TDRD7: variants seen among roughly 807,000 people sequenced by gnomAD.
The protein encoded by TDRD7 is tudor domain containing 7, also known as tudor domain-containing protein 7.
In TDRD7, 47 loss-of-function variants were observed where a neutral mutation model predicts 109.8. That is an observed-to-expected ratio of 0.43 (90% CI 0.34 to 0.55). The LOEUF (loss-of-function observed/expected upper bound fraction) is 0.55. Among genes scored for constraint, TDRD7 ranks in the 20% least tolerant of loss-of-function variants. The pLI is 0.03. For missense variants in TDRD7, 1,164 were observed against 1,319.2 expected (o/e 0.88, Z 1.82); for synonymous variants, 424 against 457.3 (o/e 0.93, Z 0.93).
intron 5 of TDRD7, among the ~76,000 whole-genome samples, chr9:97,440,566 T>A (rs1828285064): frequency 6.6e-6 from 1 of 152,186 alleles, no homozygotes; most frequent in Non-Finnish European, 1.5e-5. Context: ...AGCCTTCTCT[T>A]CTCTGTGCCA....
intron 8 of TDRD7, among the ~76,000 whole-genome samples, chr9:97,466,851 A>G (rs1054825862): frequency 2.6e-5 from 4 of 152,194 alleles, no homozygotes; most frequent in African/African-American, 9.6e-5. Flanking sequence ...TAAATGGTCT[A>G]TATGTTGATT....
chr9:97,442,910 C>T (rs373005593), intron 6 of TDRD7, among the ~76,000 whole-genome samples: 2 of 152,238 alleles, frequency 1.3e-5, no homozygotes, highest in African/African-American at 4.8e-5. Flanking sequence ...GTTCTCCTGC[C>T]TCAGCCTTCC....
chr9:97,479,791 T>C (rs747784459), intron 13 of TDRD7, among the ~76,000 whole-genome samples: 9 of 152,186 alleles, frequency 5.9e-5, no homozygotes, highest in Non-Finnish European at 1.0e-4. Flanking sequence ...ATTTTAAAAT[T>C]AGGAAATTTC....
chr9:97,428,197 C>T (rs776539678), intron 1 of TDRD7, among the ~76,000 whole-genome samples: 1 of 152,170 alleles, frequency 6.6e-6, no homozygotes, highest in Non-Finnish European at 1.5e-5. Context: ...CTCTTCAGGA[C>T]TCCATTCAGG....
In TDRD7 at chr9:97,416,729, G is replaced by A. The variant is rs563986420; in HGVS notation, c.-7+4491G>A. On this transcript the variant is annotated intron_variant, in intron 1 of 16. Coordinates refer to ENST00000355295, the MANE Select transcript of TDRD7 (RefSeq NM_014290.3). ...TAACTTAAATTGGATTCAGAGTTAT[G>A]CCTTTAATAGCTCACCTATGTTATG... Among the ~76,000 whole-genome samples the A allele has an allele frequency of 2.0e-5, 3 of 152,166 alleles. No individual in the cohort carries two copies. In the South Asian group the frequency reaches 6.2e-4, roughly 31 times the overall value.
chr9:97,470,458 G>A (rs756992547), intron 8 of TDRD7, 100 bp from the exon 9 acceptor site: 413 of 1,139,922 alleles, frequency 3.6e-4, no homozygotes, highest in Non-Finnish European at 3.8e-4. Context: ...CTGCCACTCA[G>A]CTTGCTGATC....
chr9:97,440,934 T>C (rs1161442764), intron 5 of TDRD7, among the ~76,000 whole-genome samples: 4 of 152,188 alleles, frequency 2.6e-5, no homozygotes, highest in Non-Finnish European at 5.9e-5. Context: ...TCTCACATTC[T>C]AAGTTTTAAG....
chr9:97,422,987 C>G (rs1221242137), intron 1 of TDRD7, among the ~76,000 whole-genome samples: 1 of 152,138 alleles, frequency 6.6e-6, no homozygotes, highest in East Asian at 1.9e-4. Flanking sequence ...ATGGTCTGTA[C>G]TTTTCATGCA....
chr9:97,442,988 G>A (rs1325579681), intron 6 of TDRD7, among the ~76,000 whole-genome samples: 1 of 152,158 alleles, frequency 6.6e-6, no homozygotes, highest in African/African-American at 2.4e-5. Context: ...TAGAGACAGG[G>A]TTTCACCATG....
intron 6 of TDRD7, among the ~76,000 whole-genome samples, chr9:97,458,745 C>T (rs1277005016): frequency 2.0e-5 from 3 of 152,188 alleles, no homozygotes; most frequent in African/African-American, 7.2e-5. Flanking sequence ...ATATCGTTCA[C>T]TTCCTATGTG....
At chr9:97,438,581 T>C (rs908408421) in intron 4 of TDRD7, among the ~76,000 whole-genome samples, 2 of 152,140 alleles carry the variant, frequency 1.3e-5, no homozygotes, top group Non-Finnish European at 2.9e-5. Context: ...TGAATATAAA[T>C]GATGTGTGTG....
At chr9:97,430,865 A>G (rs1292952431) in intron 2 of TDRD7, 68 bp from the exon 3 acceptor site, 1 of 1,603,358 alleles carries the variant, frequency 6.2e-7, no homozygotes, top group Admixed American at 1.7e-5. Flanking sequence ...TCCACTTTTA[A>G]GAACTGGCCT....
At chr9:97,439,477 TAAGAGAAAATGGTGCCTCCC>T (rs2118352038) in intron 5 of TDRD7, among the ~76,000 whole-genome samples, 159 bp downstream of exon 5, 1 of 152,312 alleles carries the variant, frequency 6.6e-6, no homozygotes, top group Non-Finnish European at 1.5e-5. Context: ...AAAGTGATCT[TAAGAGAAAATGGTGCCTCCC>T]AAAGATATCA....
intron 1 of TDRD7, among the ~76,000 whole-genome samples, chr9:97,424,865 CCTGT>C (rs1336598255): frequency 1.3e-5 from 2 of 151,352 alleles, no homozygotes; most frequent in Non-Finnish European, 2.9e-5. Flanking sequence ...TCTCCTTTTT[CCTGT>C]CTAATTTTTT....
At position 97,432,252 on chromosome 9, in the gene TDRD7, G is replaced by T; in HGVS notation, c.563+14G>T. On this transcript the variant is annotated intron_variant, in intron 4 of 16. Coordinates refer to ENST00000355295, the MANE Select transcript of TDRD7 (RefSeq NM_014290.3). ...CACCAACAACAGGTATTTGGCCTCT[G>T]ACTCACAGAAGTTTGGTGAATCTAG... 3 of 1,611,844 alleles carry T rather than the reference G, an allele frequency of 1.9e-6. No homozygotes were observed. Among genetic ancestry groups the T allele is most frequent in the South Asian group, 2.2e-5 (2 of 90,976 alleles).
chr9:97,414,925 T>G (rs1201831544), intron 1 of TDRD7, among the ~76,000 whole-genome samples: 1 of 152,220 alleles, frequency 6.6e-6, no homozygotes, highest in African/African-American at 2.4e-5. Flanking sequence ...ATTTGTAAGA[T>G]AAGGAGCTTG....
At chr9:97,414,210 T>G (rs569503173) in intron 1 of TDRD7, among the ~76,000 whole-genome samples, 1 of 152,370 alleles carries the variant, frequency 6.6e-6, no homozygotes, top group South Asian at 2.1e-4. Context: ...ATTCTTGTCA[T>G]TATTTCCCTG....
Position 97,420,995 on chromosome 9 carries a change from C to T in TDRD7, c.-6-7465C>T, listed in dbSNP as rs141047173. Among the ~76,000 whole-genome samples, 1,210 of 151,996 alleles carry T rather than the reference C, an allele frequency of 8.0e-3. 38 individuals carry two copies. In the East Asian group the frequency reaches 0.1, roughly 13 times the overall value. Reference sequence around the variant, plus strand: ...CAAAAATACAAAAAAATTAGCTGGGCGAGGTGGTGTGTGCCTGTAGTCCCA... The same window carrying T: ...CAAAAATACAAAAAAATTAGCTGGGTGAGGTGGTGTGTGCCTGTAGTCCCA... On this transcript the variant is annotated intron_variant, in intron 1 of 16. Coordinates refer to ENST00000355295, the MANE Select transcript of TDRD7 (RefSeq NM_014290.3).
intron 16 of TDRD7, among the ~76,000 whole-genome samples, chr9:97,488,566 T>TGTTTG (rs1181289093): frequency 6.6e-6 from 1 of 151,520 alleles, no homozygotes; most frequent in Admixed American, 6.6e-5. Flanking sequence ...AATGGTTTTT[T>TGTTTG]TTTTTTTTTT....
Sources: gnomAD v4.1 joint callset for allele counts (sites outside exome capture counted in the v4.1 genomes callset) on GRCh38, gnomAD v4.1.1 for gene constraint, MANE v1.5 for transcripts, NCBI Gene and HGNC (gene_info 2026-07-23, HGNC 2026-07-21) for gene names.